DIP2C: variants seen among roughly 807,000 people sequenced by gnomAD.
DIP2C encodes DIP2 acetate--CoA ligase C (putative).
In DIP2C, 33 loss-of-function variants were observed where a neutral mutation model predicts 192.4. That is an observed-to-expected ratio of 0.17 (90% CI 0.13 to 0.23). The LOEUF is 0.23. Among genes scored for constraint, DIP2C ranks in the 10% least tolerant of loss-of-function variants. DIP2C has a pLI of 1.00. For synonymous variants in DIP2C, 979 were observed against 864.1 expected (o/e 1.13, Z -2.33); for missense variants, 1,537 against 2,110.1 (o/e 0.73, Z 5.32).
chr10:476,317 C>T (rs1003741941), intron 2 of DIP2C, among the ~76,000 whole-genome samples: 4 of 152,142 alleles, frequency 2.6e-5, no homozygotes, highest in Non-Finnish European at 4.4e-5. Flanking sequence ...CCTCCGGGGA[C>T]GGGAGATCCC....
rs1588275650 is a variant in DIP2C at position 488,393 on chromosome 10, C to T, written c.86-1863G>A. 2.0e-5 allele frequency among the ~76,000 whole-genome samples: 3 copies of T among 152,166 alleles called. No homozygotes were observed. The East Asian group carries it at 5.8e-4, about 29-fold the overall frequency. On this transcript the variant is annotated intron_variant, in intron 1 of 36. Coordinates refer to ENST00000280886, the MANE Select transcript of DIP2C (RefSeq NM_014974.3). Reference sequence around the variant, plus strand: ...ATCCCCAAAGATGAAAGTGTTTAATCCTTATAAGAACTTATTTTACAGATG... The same window carrying T: ...ATCCCCAAAGATGAAAGTGTTTAATTCTTATAAGAACTTATTTTACAGATG...
intron 24 of DIP2C, among the ~76,000 whole-genome samples, chr10:352,478 G>A (rs749142491): frequency 6.6e-5 from 10 of 152,150 alleles, no homozygotes; most frequent in Non-Finnish European, 1.3e-4. Context: ...CAGGTGTTAG[G>A]TCCCAAAGCC....
intron 1 of DIP2C, among the ~76,000 whole-genome samples, chr10:508,891 C>T (rs1440858685): frequency 1.3e-5 from 2 of 152,142 alleles, no homozygotes; most frequent in Non-Finnish European, 2.9e-5. Context: ...AACAGCAGTG[C>T]TGGAAGGCGG....
At chr10:380,971 C>G (rs142463033) in intron 17 of DIP2C, among the ~76,000 whole-genome samples, 1 of 152,324 alleles carries the variant, frequency 6.6e-6, no homozygotes, top group Non-Finnish European at 1.5e-5. Flanking sequence ...AGGGAAGTTT[C>G]CCTTCTGTTC....
intron 14 of DIP2C, among the ~76,000 whole-genome samples, chr10:387,436 C>A (rs1963047833): frequency 6.6e-6 from 1 of 152,018 alleles, no homozygotes; most frequent in African/African-American, 2.4e-5. Flanking sequence ...ACCCAGCACA[C>A]TCCTGTGTGG....
intron 31 of DIP2C, 111 bp from the exon 32 acceptor site, chr10:310,203 A>C: frequency 9.5e-7 from 1 of 1,057,344 alleles, no homozygotes; most frequent in Non-Finnish European, 1.4e-6. Context: ...GTGAAAAATA[A>C]AACTAAAAAC....
chr10:549,755 C>T (rs1349307122), intron 1 of DIP2C, among the ~76,000 whole-genome samples: 2 of 152,184 alleles, frequency 1.3e-5, no homozygotes, highest in East Asian at 3.9e-4. Context: ...TGAAAGCTCG[C>T]AGCAAGTCCA....
intron 9 of DIP2C, among the ~76,000 whole-genome samples, chr10:405,207 G>A (rs950803016): frequency 1.1e-4 from 16 of 152,244 alleles, no homozygotes; most frequent in African/African-American, 3.4e-4. Flanking sequence ...GCCAGACGGC[G>A]ATCAGCCCTC....
intron 30 of DIP2C, among the ~76,000 whole-genome samples, chr10:328,852 T>C (rs1256566412): frequency 6.6e-6 from 1 of 152,230 alleles, no homozygotes; most frequent in African/African-American, 2.4e-5. Flanking sequence ...CCTAGTTACT[T>C]GGAGCTAAGG....
At chr10:421,187 C>G (rs937775113) in intron 5 of DIP2C, among the ~76,000 whole-genome samples, 2 of 152,178 alleles carry the variant, frequency 1.3e-5, no homozygotes, top group African/African-American at 4.8e-5. Flanking sequence ...AATGTGGTCA[C>G]CCGAGAGTTA....
intron 28 of DIP2C, among the ~76,000 whole-genome samples, chr10:343,462 C>G (rs543698191): frequency 6.6e-6 from 1 of 152,354 alleles, no homozygotes; most frequent in Admixed American, 6.5e-5. Flanking sequence ...AGTCCTCCCA[C>G]TGTAAAACGT....
intron 1 of DIP2C, among the ~76,000 whole-genome samples, chr10:632,062 G>A (rs968567675): frequency 3.9e-5 from 6 of 152,198 alleles, no homozygotes; most frequent in African/African-American, 7.2e-5. Flanking sequence ...AGAGATAAAA[G>A]CACGATTATT....
chr10:502,751 G>A (rs532794421), intron 1 of DIP2C, among the ~76,000 whole-genome samples: 1 of 152,038 alleles, frequency 6.6e-6, no homozygotes, highest in Non-Finnish European at 1.5e-5. Context: ...AAAACACTTA[G>A]GTATACATTT....
chr10:418,631 CCT>C (rs1262068792), intron 6 of DIP2C, among the ~76,000 whole-genome samples: 2 of 152,272 alleles, frequency 1.3e-5, no homozygotes, highest in South Asian at 2.1e-4. Context: ...ATAAAAAGAC[CCT>C]CTTTCCTCCA....
rs561984347 is a variant in DIP2C, at chr10:615,632, C to CA, written c.85+73861_85+73862insT. Among the ~76,000 whole-genome samples, 370 of 151,650 alleles carry CA rather than the reference C, an allele frequency of 2.4e-3. 3 individuals are homozygous for CA. The highest frequency in any genetic ancestry group is 8.3e-3 in the African/African-American group (344 of 41,340). On this transcript the variant is annotated intron_variant, in intron 1 of 36. Transcript: ENST00000280886. ...GTTCATATACACACACACACCCGCC[C>CA]CACACACACACACAGGGTTTGCTTA...
At chr10:599,300 A>G (rs1378909780) in intron 1 of DIP2C, among the ~76,000 whole-genome samples, 1 of 152,230 alleles carries the variant, frequency 6.6e-6, no homozygotes, top group Non-Finnish European at 1.5e-5. Flanking sequence ...ATACCCGGCA[A>G]AAACACGTTA....
chr10:576,336 C>T (rs745840532), intron 1 of DIP2C, among the ~76,000 whole-genome samples: 2 of 152,216 alleles, frequency 1.3e-5, no homozygotes, highest in African/African-American at 4.8e-5. Flanking sequence ...TTGACAATTA[C>T]TCATACGTGT....
At chr10:512,396 T>TAAAAATA (rs1846073567) in intron 1 of DIP2C, among the ~76,000 whole-genome samples, 2 of 151,938 alleles carry the variant, frequency 1.3e-5, no homozygotes, top group South Asian at 4.2e-4. Context: ...CTGTCTCTAC[T>TAAAAATA]AAAAATAAAA....
intron 1 of DIP2C, among the ~76,000 whole-genome samples, chr10:495,874 C>T (rs1156882796): frequency 4.0e-5 from 6 of 151,854 alleles, no homozygotes; most frequent in African/African-American, 1.2e-4. Flanking sequence ...GGTGCCCTCC[C>T]GTGTCCTTAA....
Sources: gnomAD v4.1 joint callset for allele counts (sites outside exome capture counted in the v4.1 genomes callset) on GRCh38, gnomAD v4.1.1 for gene constraint, MANE v1.5 for transcripts, NCBI Gene and HGNC (gene_info 2026-07-23, HGNC 2026-07-21) for gene names.